RMDN3: variants seen among roughly 807,000 people sequenced by gnomAD.
RMDN3 encodes regulator of microtubule dynamics 3.
RMDN3 carries 41 observed loss-of-function variants against 61.8 expected under a neutral mutation model. That is an observed-to-expected ratio of 0.66 (90% confidence interval 0.52 to 0.86). The LOEUF (loss-of-function observed/expected upper bound fraction) is 0.86, where lower values mean the gene tolerates loss of function less well. Ranked by LOEUF, RMDN3 falls within the 40% of genes least tolerant of loss-of-function variation. RMDN3 has a pLI of 0.00. For missense variants in RMDN3, 557 were observed against 585.3 expected, an observed-to-expected ratio of 0.95 and a Z score of 0.50; for synonymous variants, 247 against 232.0, an observed-to-expected ratio of 1.06 and a Z score of -0.59.
Position 40,754,747 on chromosome 15 carries a change from C to T in RMDN3, c.37G>A (p.Gly13Arg), listed in dbSNP as rs576696726. 2 of 1,601,522 alleles carry T rather than the reference C, an allele frequency of 1.2e-6. No individual in the cohort carries two copies. The highest frequency in any genetic ancestry group is 2.2e-5 in the South Asian group (2 of 90,862). ...RLGALGGARAGLGLLLGTAAG... is the reference protein window; with the variant it reads ...RLGALGGARARLGLLLGTAAG... Reference sequence around the variant, plus strand: ...GCGGTACCCAGCAACAGTCCCAGCCCGGCACGGGCACCACCCAGGGCTCCC... The same window carrying T: ...GCGGTACCCAGCAACAGTCCCAGCCTGGCACGGGCACCACCCAGGGCTCCC... The change falls in exon 2 of 13, where the codon GGG becomes AGG. Residue 13 changes from glycine to arginine, a missense_variant. Physicochemically the swap from Gly to Arg is moderately radical, Grantham distance 125. Transcript: ENST00000338376.
chr15:40,748,666 C>T (rs1344874101), intron 4 of RMDN3, among the ~76,000 whole-genome samples: 1 of 152,196 alleles, frequency 6.6e-6, no homozygotes, highest in Non-Finnish European at 1.5e-5. Context: ...GTGGTGCAAT[C>T]TCGGCTCACA....
In RMDN3 at chr15:40,752,100, T is replaced by C. The variant is rs917852983; in HGVS notation, c.266A>G (p.Lys89Arg). ...CACAAAGTCCAGGCGGTCCAGCACC[T>C]TCTCCTGTCCTTCCCGTGGAAGGCT... ...LPSLPREGQE[K>R]VLDRLDFVLT... Residue 89 changes from lysine (K) to arginine (R), a missense_variant, in exon 3 of 13, where the codon AAG becomes AGG. Physicochemically the swap from Lys to Arg is conservative, Grantham distance 26. Coordinates refer to ENST00000338376, the MANE Select transcript of RMDN3 (RefSeq NM_018145.3). The C allele has an allele frequency of 6.2e-7, 1 of 1,614,080 alleles. No homozygotes were observed. The highest frequency in any genetic ancestry group is 8.5e-7 in the Non-Finnish European group (1 of 1,180,050).
Position 40,745,132 on chromosome 15 carries a change from C to T in RMDN3, c.652G>A (p.Glu218Lys). The change falls in exon 5 of 13, where the codon GAG (glutamate) becomes AAG (lysine). Residue 218 changes from glutamate (E) to lysine (K), a missense_variant. Coordinates refer to ENST00000338376, the MANE Select transcript of RMDN3 (RefSeq NM_018145.3). ...GRKDSLDLEEEAASGASSALE... is the reference protein window; with the variant it reads ...GRKDSLDLEEKAASGASSALE... ...GCACTGGAGGCACCTGAAGCTGCCTCTTCCTCCAAGTCAAGAGAATCCTTT... is the reference window on the plus strand; with the variant it reads ...GCACTGGAGGCACCTGAAGCTGCCTTTTCCTCCAAGTCAAGAGAATCCTTT... 6.2e-7 allele frequency: 1 copy of T among 1,614,186 alleles called. No individual in the cohort carries two copies. The highest frequency in any genetic ancestry group is 8.5e-7 in the Non-Finnish European group (1 of 1,180,032).
At position 40,737,350 on chromosome 15, in the gene RMDN3, A is replaced by G; in HGVS notation, c.1225-9T>C. ...GGCTGTAGTTCTTCAGCCTGGGAAA[A>G]GGGACAAAGATATTTCAGTAAGAGG... On this transcript the variant is annotated splice_polypyrimidine_tract_variant and intron_variant, in intron 10 of 12. Transcript: ENST00000338376. 1 of 1,611,836 alleles carries G rather than the reference A, an allele frequency of 6.2e-7. No individual in the cohort carries two copies. The highest frequency in any genetic ancestry group is 1.1e-5 in the South Asian group (1 of 91,022).
chr15:40,744,291 G>A (rs1339886061), intron 5 of RMDN3, 142 bp from the exon 6 acceptor site: 8 of 683,032 alleles, frequency 1.2e-5, no homozygotes, highest in Admixed American at 2.4e-5. Context: ...CCTACACGCA[G>A]CCTTCCCCCC....
At chr15:40,744,208 C>T in intron 5 of RMDN3, 59 bp from the exon 6 acceptor site, 1 of 1,498,498 alleles carries the variant, frequency 6.7e-7, no homozygotes, top group Non-Finnish European at 9.2e-7. Flanking sequence ...AGAATGGGGG[C>T]CTTGGCCTTC....
intron 10 of RMDN3, 33 bp from the exon 11 acceptor site, chr15:40,737,374 G>A (rs763833521): frequency 1.4e-5 from 23 of 1,593,070 alleles, no homozygotes; most frequent in Non-Finnish European, 1.8e-5. Context: ...TTCAGTAAGA[G>A]GTTCCTATAT....
chr15:40,752,571 A>C (rs192448840), intron 2 of RMDN3, among the ~76,000 whole-genome samples: 13 of 152,316 alleles, frequency 8.5e-5, no homozygotes, highest in African/African-American at 1.2e-4. Context: ...AACTAAAACT[A>C]AAACTGAGCT....
At chr15:40,745,550 G>C (rs922858399) in intron 4 of RMDN3, among the ~76,000 whole-genome samples, 7 of 151,358 alleles carry the variant, frequency 4.6e-5, no homozygotes, top group African/African-American at 1.7e-4. Context: ...ATTTTTAGTA[G>C]AGACGGGGTT....
At chr15:40,752,254 G>T in intron 2 of RMDN3, 76 bp from the exon 3 acceptor site, 4 of 1,424,972 alleles carry the variant, frequency 2.8e-6, no homozygotes, top group Non-Finnish European at 3.9e-6. Flanking sequence ...CAGAATTCAA[G>T]AATACCTGCT....
In RMDN3 at chr15:40,740,189, T is replaced by G; in HGVS notation, c.915A>C (p.Lys305Asn). 1 of 1,609,008 alleles carries G rather than the reference T, an allele frequency of 6.2e-7. No homozygotes were observed. Among genetic ancestry groups the G allele is most frequent in the Non-Finnish European group, 8.5e-7 (1 of 1,176,012 alleles). ...SEKKSYALDGKEEAEAALEKG... is the reference protein window; with the variant it reads ...SEKKSYALDGNEEAEAALEKG... Reference sequence around the variant, plus strand: ...TCTCCAGAGCAGCCTCTGCTTCTTCTTTTCCTGTAGGACGAAGGTAGATCC... The same window carrying G: ...TCTCCAGAGCAGCCTCTGCTTCTTCGTTTCCTGTAGGACGAAGGTAGATCC... The change falls in exon 7 of 13, where the codon AAA (lysine) becomes AAC (asparagine). Residue 305 changes from lysine (K) to asparagine (N), a missense_variant. By Grantham distance (94) the Lys-to-Asn change is moderately conservative (BLOSUM62 0). Transcript: ENST00000338376.
chr15:40,748,382 G>A (rs113187484), intron 4 of RMDN3, among the ~76,000 whole-genome samples: 133 of 152,338 alleles, frequency 8.7e-4, no homozygotes, highest in African/African-American at 3.0e-3. Flanking sequence ...ACACAGTGTT[G>A]CACCACCACC....
In RMDN3 at chr15:40,737,219, C is replaced by G. The variant is rs759525541; in HGVS notation, c.1279-15G>C. On this transcript the variant is annotated splice_polypyrimidine_tract_variant and intron_variant, in intron 11 of 12. Transcript: ENST00000338376. ...TCTCTGTAGCACTGAAAAGAGACAA[C>G]AGTGAAACCTGATACTGTGTACTTT... 2.5e-6 allele frequency: 4 copies of G among 1,613,400 alleles called. No homozygotes were observed. The highest frequency in any genetic ancestry group is 2.7e-5 in the African/African-American group (2 of 74,912).
At position 40,738,037 on chromosome 15, in the gene RMDN3, A is replaced by C. The variant is rs1487964375; in HGVS notation, c.1053T>G (p.His351Gln). ...RIQSGFSFKE[H>Q]VDKAIALQPE... ...GCTGGAGAGCAATGGCTTTGTCCAC[A>C]TGCTCCTAAGGGGAAAATGTAAATA... The change falls in exon 9 of 13, where the codon CAT becomes CAG. Residue 351 changes from histidine to glutamine, a missense_variant. By Grantham distance (24) the His-to-Gln change is conservative (BLOSUM62 0). Transcript: ENST00000338376. 1 of 1,614,116 alleles carries C rather than the reference A, an allele frequency of 6.2e-7. No homozygotes were observed. The highest frequency in any genetic ancestry group is 8.5e-7 in the Non-Finnish European group (1 of 1,179,956).
chr15:40,751,500 G>A lies in RMDN3; in HGVS notation c.450C>T (p.Asp150=), dbSNP rs1279803435. The change falls in exon 4 of 13, where the codon GAC becomes GAT. Residue 150 remains aspartate (D), a synonymous_variant. Coordinates refer to ENST00000338376, the MANE Select transcript of RMDN3 (RefSeq NM_018145.3). ...RRFPFVRERS[D]STGSSSVYFT... ...AGTAGACAGAGCTGGAGCCAGTGGA[G>A]TCACTCCTCTCCCGGACAAACGGAA... is the stretch of plus-strand genomic sequence containing the variant. The A allele has an allele frequency of 6.2e-7, 1 of 1,614,176 alleles. No individual in the cohort carries two copies. Among genetic ancestry groups the A allele is most frequent in the Non-Finnish European group, 8.5e-7 (1 of 1,180,030 alleles).
At position 40,752,053 on chromosome 15, in the gene RMDN3, G is replaced by C. The variant is rs764325803; in HGVS notation, c.313C>G (p.Arg105Gly). 2 of 1,614,190 alleles carry C rather than the reference G, an allele frequency of 1.2e-6. No individual in the cohort carries two copies. Among genetic ancestry groups the C allele is most frequent in the Admixed American group, 1.7e-5 (1 of 60,022 alleles). ...CTTCTCAGCTCCTCCACCTCCCGCC[G>C]CAGCGCCACAAGGCTGGTCAGCACA... ...DFVLTSLVALRREVEELRSSL... is the reference protein window; with the variant it reads ...DFVLTSLVALGREVEELRSSL... The change falls in exon 3 of 13, where the codon CGG becomes GGG. Residue 105 changes from arginine to glycine, a missense_variant. Coordinates refer to ENST00000338376, the MANE Select transcript of RMDN3 (RefSeq NM_018145.3).
intron 7 of RMDN3, 107 bp from the exon 8 acceptor site, chr15:40,738,683 C>G: frequency 3.8e-6 from 4 of 1,044,030 alleles, no homozygotes; most frequent in African/African-American, 3.2e-5. Context: ...CCTGTACCCT[C>G]AACTAGAGCT....
Position 40,738,621 on chromosome 15 carries a change from C to T in RMDN3, c.972-45G>A, listed in dbSNP as rs779793869. The T allele has an allele frequency of 1.9e-6, 3 of 1,587,890 alleles. No individual in the cohort carries two copies. The South Asian group carries it at 3.3e-5, about 18-fold the overall frequency. On this transcript the variant is annotated intron_variant, in intron 7 of 12. Coordinates refer to ENST00000338376, the MANE Select transcript of RMDN3 (RefSeq NM_018145.3). ...CTCAGGGACAAGGGCTGAGTACCAT[C>T]ACTGCAAGGAATGGATGCCCCAACC...
intron 7 of RMDN3, 80 bp downstream of exon 7, chr15:40,740,053 G>A (rs941408550): frequency 1.1e-6 from 1 of 916,108 alleles, no homozygotes; most frequent in Non-Finnish European, 1.8e-6. Flanking sequence ...TGCCTCTGTG[G>A]CCCAGGCAGA....
Sources: gnomAD v4.1 joint callset for allele counts (sites outside exome capture counted in the v4.1 genomes callset) on GRCh38, gnomAD v4.1.1 for gene constraint, MANE v1.5 for transcripts, NCBI Gene and HGNC (gene_info 2026-07-23, HGNC 2026-07-21) for gene names.